Variants in ROS1 observed in about 807,000 individuals in gnomAD.
The protein encoded by ROS1 is proto-oncogene tyrosine-protein kinase ROS.
A neutral mutation model predicts 273.5 loss-of-function variants in ROS1; 263 were observed. The ratio of observed to expected loss-of-function variants is 0.96; its 90% confidence interval spans 0.87 to 1.06. The LOEUF (loss-of-function observed/expected upper bound fraction) is 1.06, where lower values mean the gene tolerates loss of function less well. Among genes scored for constraint, ROS1 ranks in the 50% least tolerant of loss-of-function variants. The probability of loss-of-function intolerance (pLI) is 0.00; values close to 1 mark genes in which losing one functional copy is unlikely to be tolerated. For synonymous variants in ROS1, 1,008 were observed against 954.1 expected, an observed-to-expected ratio of 1.06 and a Z score of -1.04; for missense variants, 2,833 against 2,751.1, an observed-to-expected ratio of 1.03 and a Z score of -0.67.
Position 117,361,994 on chromosome 6 carries a change from A to G in ROS1, c.3366+609T>C, listed in dbSNP as rs547445912. 3.9e-5 allele frequency among the ~76,000 whole-genome samples: 6 copies of G among 152,304 alleles called. No homozygotes were observed. The South Asian group carries it at 1.2e-3, about 32-fold the overall frequency. ...TGATTTTATTGAAAAATAATGGTTTATCAAAATAACACATGTACCCCAAAT... is the reference window on the plus strand; with the variant it reads ...TGATTTTATTGAAAAATAATGGTTTGTCAAAATAACACATGTACCCCAAAT... On this transcript the variant is annotated intron_variant, in intron 22 of 43. Coordinates refer to ENST00000368507, the MANE Select transcript of ROS1 (RefSeq NM_001378902.1).
chr6:117,341,728 A>G (rs1218038140), intron 29 of ROS1, 96 bp from the exon 30 acceptor site: 2 of 827,808 alleles, frequency 2.4e-6, no homozygotes, highest in Non-Finnish European at 1.9e-6. Context: ...ATCATGTGGT[A>G]TGAGCAGAAT....
intron 42 of ROS1, among the ~76,000 whole-genome samples, chr6:117,307,510 T>G (rs1214632242): frequency 6.6e-6 from 1 of 152,158 alleles, no homozygotes; most frequent in Non-Finnish European, 1.5e-5. Context: ...AAACCCTACA[T>G]GAAAGGTTTT....
chr6:117,337,066 C>G (rs2128616158), intron 32 of ROS1, 106 bp downstream of exon 32: 1 of 885,174 alleles, frequency 1.1e-6, no homozygotes, highest in Non-Finnish European at 1.7e-6. Context: ...TAATAATGTA[C>G]TGCTTTTAAA....
intron 39 of ROS1, among the ~76,000 whole-genome samples, chr6:117,314,902 T>C (rs931477753): frequency 6.6e-6 from 1 of 152,142 alleles, no homozygotes; most frequent in Non-Finnish European, 1.5e-5. Flanking sequence ...TTGTTAGGCC[T>C]CACGATTAAA....
intron 27 of ROS1, among the ~76,000 whole-genome samples, chr6:117,350,334 T>G (rs1016273865): frequency 6.6e-6 from 1 of 152,110 alleles, no homozygotes; most frequent in Non-Finnish European, 1.5e-5. Context: ...ATATAGTTTC[T>G]GAGGAGAAGT....
At chr6:117,376,919 A>G (rs1219645056) in intron 18 of ROS1, among the ~76,000 whole-genome samples, 1 of 152,192 alleles carries the variant, frequency 6.6e-6, no homozygotes, top group African/African-American at 2.4e-5. Flanking sequence ...GGAAAGGCAA[A>G]AGATCAAGTA....
intron 4 of ROS1, among the ~76,000 whole-genome samples, chr6:117,414,223 G>GGATT (rs1562386244): frequency 6.6e-6 from 1 of 151,840 alleles, no homozygotes; most frequent in East Asian, 1.9e-4. Context: ...CAGGGTCCAG[G>GGATT]GATTATAACC....
intron 27 of ROS1, among the ~76,000 whole-genome samples, chr6:117,345,173 C>CA (rs1470131772): frequency 6.6e-6 from 1 of 152,114 alleles, no homozygotes. Context: ...AGCCATCCTT[C>CA]ACTCTAACCA....
At chr6:117,415,106 C>G (rs1775240461) in intron 3 of ROS1, among the ~76,000 whole-genome samples, 1 of 152,202 alleles carries the variant, frequency 6.6e-6, no homozygotes, top group Non-Finnish European at 1.5e-5. Flanking sequence ...CCCAACACAG[C>G]TTACATGTTG....
At chr6:117,398,806 C>T (rs937432173) in intron 7 of ROS1, among the ~76,000 whole-genome samples, 9 of 151,654 alleles carry the variant, frequency 5.9e-5, no homozygotes, top group Non-Finnish European at 2.9e-5. Flanking sequence ...AACCCCATCT[C>T]TACTAAAACT....
chr6:117,393,560 A>T (rs1013379317), intron 11 of ROS1, among the ~76,000 whole-genome samples: 2 of 152,198 alleles, frequency 1.3e-5, no homozygotes, highest in Non-Finnish European at 2.9e-5. Context: ...TTGTAGAGGC[A>T]TTCAACTATT....
At chr6:117,303,391 G>A (rs1044693790) in intron 42 of ROS1, among the ~76,000 whole-genome samples, 1 of 152,210 alleles carries the variant, frequency 6.6e-6, no homozygotes, top group Non-Finnish European at 1.5e-5. Context: ...CCTCTCCAGA[G>A]GTGACATTTA....
chr6:117,293,715 T>C (rs1774001407), intron 43 of ROS1, among the ~76,000 whole-genome samples: 1 of 152,176 alleles, frequency 6.6e-6, no homozygotes, highest in African/African-American at 2.4e-5. Context: ...TTTTTATGGT[T>C]GTAAAATAAC....
intron 43 of ROS1, among the ~76,000 whole-genome samples, chr6:117,293,828 T>A (rs932359474): frequency 3.9e-5 from 6 of 152,152 alleles, no homozygotes; most frequent in Non-Finnish European, 5.9e-5. Context: ...TGTCAAAAAA[T>A]TTGAGCCTTA....
chr6:117,356,990 G>T, intron 25 of ROS1, 75 bp from the exon 26 acceptor site: 2 of 1,251,292 alleles, frequency 1.6e-6, no homozygotes, highest in South Asian at 1.4e-5. Flanking sequence ...CTAATGCAGA[G>T]CAACTATTGC....
intron 43 of ROS1, among the ~76,000 whole-genome samples, chr6:117,291,303 T>G (rs1247718228): frequency 6.6e-6 from 1 of 152,218 alleles, no homozygotes; most frequent in African/African-American, 2.4e-5. Context: ...GCATCATTAC[T>G]TTGAATATTT....
chr6:117,419,896 C>T (rs555264302), intron 1 of ROS1, among the ~76,000 whole-genome samples: 1 of 152,138 alleles, frequency 6.6e-6, no homozygotes, highest in East Asian at 1.9e-4. Flanking sequence ...AGGGTAGCCT[C>T]ACAGTCAGGT....
At chr6:117,293,125 G>A (rs1216874924) in intron 43 of ROS1, among the ~76,000 whole-genome samples, 1 of 152,130 alleles carries the variant, frequency 6.6e-6, no homozygotes, top group South Asian at 2.1e-4. Context: ...CAGCTTAGAT[G>A]TAACCTCCTC....
chr6:117,362,511 T>C (rs1484249128), intron 22 of ROS1, 92 bp downstream of exon 22: 2 of 1,244,832 alleles, frequency 1.6e-6, no homozygotes, highest in African/African-American at 1.5e-5. Flanking sequence ...TGTGTGCCAT[T>C]TACACTGTAA....
Sources: allele counts gnomAD v4.1 joint callset (sites outside exome capture counted in the v4.1 genomes callset), GRCh38; gene constraint gnomAD v4.1.1; transcripts MANE v1.5; gene names NCBI Gene and HGNC (gene_info 2026-07-23, HGNC 2026-07-21).